Variants in TRMT44 observed in about 807,000 individuals in gnomAD.
The protein encoded by TRMT44 is probable tRNA (uracil-O(2)-)-methyltransferase.
Under a neutral mutation model 77.3 loss-of-function variants are expected in TRMT44, and 78 were observed. The observed-to-expected ratio is 1.01, with a 90% confidence interval of 0.84 to 1.22. The LOEUF is 1.22. Ranked by LOEUF, TRMT44 falls within the 50% of genes most tolerant of loss-of-function variation. The pLI is 0.00. For synonymous variants in TRMT44, 391 were observed against 383.3 expected (o/e 1.02, Z -0.23); for missense variants, 1,090 against 964.4 (o/e 1.13, Z -1.73).
chr4:8,496,338 T>A (rs1728150051), downstream of TRMT44, among the ~76,000 whole-genome samples: 1 of 152,242 alleles, frequency 6.6e-6, no homozygotes, highest in Non-Finnish European at 1.5e-5. Flanking sequence ...CTACCCTCAC[T>A]CAGTAACAGT....
At chr4:8,459,618 A>G (rs1225013275) in intron 6 of TRMT44, among the ~76,000 whole-genome samples, 1 of 152,256 alleles carries the variant, frequency 6.6e-6, no homozygotes, top group Non-Finnish European at 1.5e-5. Flanking sequence ...AAGATTTTCA[A>G]TACATATTGC....
Position 8,452,847 on chromosome 4 carries a change from C to G in TRMT44, c.1024-35C>G, listed in dbSNP as rs1334805064. On this transcript the variant is annotated intron_variant, in intron 4 of 10. Transcript: ENST00000389737. This position sits in a 1 kb window ranked among gnomAD's most constrained non-coding sequence, Gnocchi z 5.7. ...AATTATTCTTGCGTAGAGTGAATTACCACCTGACTTTGTTTTGTTTTTCTC... is the reference window on the plus strand; with the variant it reads ...AATTATTCTTGCGTAGAGTGAATTAGCACCTGACTTTGTTTTGTTTTTCTC... The G allele has an allele frequency of 1.5e-6, 2 of 1,302,690 alleles. No individual in the cohort carries two copies. The highest frequency in any genetic ancestry group is 2.6e-5 in the East Asian group (1 of 38,884). 80.7% of individuals were successfully genotyped at this position (1,302,690 alleles called of 1,614,324 possible).
chr4:8,496,193 G>C (rs1029161256), downstream of TRMT44, among the ~76,000 whole-genome samples: 5 of 152,240 alleles, frequency 3.3e-5, no homozygotes, highest in African/African-American at 1.2e-4. Context: ...TTCTGTGACA[G>C]ATGTTCTTGA....
At chr4:8,489,468 TTTG>T (rs1191864767) in intron 2 of TRMT44, among the ~76,000 whole-genome samples, 1 of 150,866 alleles carries the variant, frequency 6.6e-6, no homozygotes, top group Non-Finnish European at 1.5e-5. Context: ...TTCGTTTTGT[TTTG>T]TTTTGTTTTG....
intron 6 of TRMT44, among the ~76,000 whole-genome samples, chr4:8,460,377 G>A (rs745980800): frequency 6.6e-6 from 1 of 152,082 alleles, no homozygotes; most frequent in Non-Finnish European, 1.5e-5. Flanking sequence ...GTAGAGAGAG[G>A]AATGTAGGTA....
Position 8,468,230 on chromosome 4 carries a change from TGCC to T in TRMT44, c.1812_1814del (p.Pro605del). 1 of 1,614,276 alleles carries T rather than the reference TGCC, an allele frequency of 6.2e-7. No homozygotes were observed. The highest frequency in any genetic ancestry group is 8.5e-7 in the Non-Finnish European group (1 of 1,180,050). ...GAGCGTGTGAGGAACTGTGCCGCCC[TGCC>T]ACGAGATTTTATTGACCAAGTGGTT... On this transcript the variant is annotated inframe_deletion, in exon 9 of 11. Transcript: ENST00000389737.
At chr4:8,458,587 TG>T (rs1372585312) in intron 6 of TRMT44, among the ~76,000 whole-genome samples, 3 of 151,524 alleles carry the variant, frequency 2.0e-5, no homozygotes, top group African/African-American at 7.3e-5. Flanking sequence ...CTCGAGTAGC[TG>T]GGATTACAGG....
the TRMT44 span, among the ~76,000 whole-genome samples, chr4:8,503,602 G>A: frequency 6.6e-6 from 1 of 152,210 alleles, no homozygotes; most frequent in Non-Finnish European, 1.5e-5. Context: ...ACACAGCAAA[G>A]AGTCAGCACC....
At chr4:8,457,019 C>T (rs1389885672) in intron 6 of TRMT44, among the ~76,000 whole-genome samples, 1 of 9,336 alleles carries the variant, frequency 1.1e-4, no homozygotes, top group Non-Finnish European at 1.7e-4. Context: ...AGACACCCGC[C>T]CCCCCCCCCC....
At chr4:8,514,148 A>G in the TRMT44 span, among the ~76,000 whole-genome samples, 37 of 151,904 alleles carry the variant, frequency 2.4e-4, no homozygotes, top group East Asian at 7.0e-3. Context: ...ACAGAAGCTT[A>G]GGTGAGCAGG....
Position 8,446,033 on chromosome 4 carries a change from C to T in TRMT44, c.620-443C>T, listed in dbSNP as rs978092317. On this transcript the variant is annotated intron_variant, in intron 1 of 10. Coordinates refer to ENST00000389737, the MANE Select transcript of TRMT44 (RefSeq NM_152544.3). This position sits in a 1 kb window ranked among gnomAD's most constrained non-coding sequence, Gnocchi z 4.3. ...AGCAAGGGCTCCACACAACATAAAG[C>T]GGTTGTTAGGAAGGCCTGGACTGAT... Among the ~76,000 whole-genome samples, 3 of 152,174 alleles carry T rather than the reference C, an allele frequency of 2.0e-5. No individual in the cohort carries two copies. The highest frequency in any genetic ancestry group is 2.0e-4 in the Admixed American group (3 of 15,282).
chr4:8,469,508 T>C (rs990258295), intron 9 of TRMT44, among the ~76,000 whole-genome samples: 2 of 152,166 alleles, frequency 1.3e-5, no homozygotes, highest in African/African-American at 2.4e-5. Flanking sequence ...TGAGTGCAGT[T>C]TGACCTTTAA....
At chr4:8,458,830 G>A (rs1001286520) in intron 6 of TRMT44, among the ~76,000 whole-genome samples, 5 of 151,908 alleles carry the variant, frequency 3.3e-5, no homozygotes, top group South Asian at 2.1e-4. Context: ...TGTTTTAATC[G>A]ACTTTTATGT....
chr4:8,513,920 G>A, the TRMT44 span, among the ~76,000 whole-genome samples: 1 of 152,174 alleles, frequency 6.6e-6, no homozygotes, highest in Non-Finnish European at 1.5e-5. Flanking sequence ...CTTGGGTGGG[G>A]CTGGTGGGAA....
Position 8,454,736 on chromosome 4 carries a change from T to G in TRMT44, c.1132-6T>G, listed in dbSNP as rs760141066. The G allele has an allele frequency of 3.1e-6, 5 of 1,613,994 alleles. No homozygotes were observed. Among genetic ancestry groups the G allele is most frequent in the Non-Finnish European group, 3.4e-6 (4 of 1,179,938 alleles). ...AACCTTTGATTTCTAAAATTAATTT[T>G]TTCAGCATCCAGGCAGAGGGATTGA... On this transcript the variant is annotated splice_polypyrimidine_tract_variant and splice_region_variant and intron_variant, in intron 5 of 10. Transcript: ENST00000389737.
At chr4:8,471,997 T>C (rs1727035673) in intron 10 of TRMT44, among the ~76,000 whole-genome samples, 1 of 140,030 alleles carries the variant, frequency 7.1e-6, no homozygotes, top group Admixed American at 7.6e-5. Context: ...TTGCCATAAC[T>C]TGCTTTGTGG....
the TRMT44 span, among the ~76,000 whole-genome samples, chr4:8,503,689 G>A: frequency 6.6e-6 from 1 of 152,178 alleles, no homozygotes; most frequent in Non-Finnish European, 1.5e-5. Context: ...GTGGTCACAG[G>A]GCTTCTCTTG....
At chr4:8,445,279 A>G (rs772674396) in intron 1 of TRMT44, among the ~76,000 whole-genome samples, 2 of 152,268 alleles carry the variant, frequency 1.3e-5, no homozygotes, top group African/African-American at 2.4e-5. Context: ...GGCATGGGCC[A>G]TCACGCCTGG....
At chr4:8,466,572 C>T (rs1414471204) in intron 8 of TRMT44, among the ~76,000 whole-genome samples, 2 of 152,252 alleles carry the variant, frequency 1.3e-5, no homozygotes, top group Admixed American at 6.5e-5. Context: ...GGACTCGCTG[C>T]TGAACCGTCC....
Sources: gnomAD v4.1 joint callset for allele counts (sites outside exome capture counted in the v4.1 genomes callset) on GRCh38, gnomAD v4.1.1 for gene constraint, Gnocchi (gnomAD v3.1) non-coding constraint, MANE v1.5 for transcripts, NCBI Gene and HGNC (gene_info 2026-07-23, HGNC 2026-07-21) for gene names.